Variants in ATP11A observed in about 807,000 individuals in gnomAD.
ATP11A encodes the protein phospholipid-transporting ATPase IH.
ATP11A carries 81 observed loss-of-function variants against 154.4 expected under a neutral mutation model. That is an observed-to-expected ratio of 0.52 (90% CI 0.44 to 0.63). The LOEUF is 0.63. Among genes scored for constraint, ATP11A ranks in the 30% least tolerant of loss-of-function variants. ATP11A has a pLI of 0.00. For synonymous variants in ATP11A, 623 were observed against 585.9 expected (o/e 1.06, Z -0.91); for missense variants, 1,316 against 1,474.3 (o/e 0.89, Z 1.76).
chr13:112,756,915 C>T (rs955094551), intron 1 of ATP11A, among the ~76,000 whole-genome samples: 3 of 152,184 alleles, frequency 2.0e-5, no homozygotes, highest in Non-Finnish European at 2.9e-5. Flanking sequence ...GGGGCCTGCT[C>T]CTAACGCATC....
intron 2 of ATP11A, among the ~76,000 whole-genome samples, chr13:112,789,026 C>A (rs565305454): frequency 2.0e-5 from 3 of 151,688 alleles, no homozygotes; most frequent in East Asian, 2.0e-4. Flanking sequence ...GACATGTAGA[C>A]CCCTGTGTAG....
intron 1 of ATP11A, among the ~76,000 whole-genome samples, chr13:112,769,271 C>T (rs539716251): frequency 1.2e-4 from 18 of 152,366 alleles, no homozygotes; most frequent in African/African-American, 4.3e-4. Context: ...ACCTCCCGGC[C>T]CCACGGCGTG....
At position 112,841,511 on chromosome 13, in the gene ATP11A, C is replaced by T. The variant is rs894036656; in HGVS notation, c.1706-765C>T. Among the ~76,000 whole-genome samples, 12 of 150,076 alleles carry T rather than the reference C, an allele frequency of 8.0e-5. 1 individual carries two copies. The East Asian group carries it at 1.4e-3, about 17-fold the overall frequency. Reference sequence around the variant, plus strand: ...AAACCAGCCGCCTGGCAGAGTGCCACGTGGCTTGGTGGACCAGGGATACTT... The same window carrying T: ...AAACCAGCCGCCTGGCAGAGTGCCATGTGGCTTGGTGGACCAGGGATACTT... On this transcript the variant is annotated intron_variant, in intron 16 of 29. Transcript: ENST00000375645.
intron 5 of ATP11A, among the ~76,000 whole-genome samples, chr13:112,814,829 A>G (rs2078598326): frequency 6.6e-6 from 1 of 152,146 alleles, no homozygotes; most frequent in Non-Finnish European, 1.5e-5. Flanking sequence ...TGTTTTAGCT[A>G]TTCTAGAGCC....
chr13:112,718,530 C>T (rs1463227513), intron 1 of ATP11A, among the ~76,000 whole-genome samples: 1 of 152,156 alleles, frequency 6.6e-6, no homozygotes, highest in Non-Finnish European at 1.5e-5. Flanking sequence ...GAGGTGTGTG[C>T]GGTGGGGATG....
At chr13:112,733,754 A>G (rs1890719185) in intron 1 of ATP11A, among the ~76,000 whole-genome samples, 1 of 152,184 alleles carries the variant, frequency 6.6e-6, no homozygotes, top group Non-Finnish European at 1.5e-5. Flanking sequence ...TTTAAAATAT[A>G]TTAAGTTTAT....
intron 1 of ATP11A, among the ~76,000 whole-genome samples, chr13:112,740,549 G>T (rs1891446992): frequency 1.3e-5 from 2 of 152,208 alleles, no homozygotes; most frequent in Admixed American, 1.3e-4. Context: ...TACTCTTCAA[G>T]TGATGATGGC....
At position 112,859,869 on chromosome 13, in the gene ATP11A, C is replaced by T. The variant is rs566593739; in HGVS notation, c.2727+417C>T. 9.8e-5 allele frequency among the ~76,000 whole-genome samples: 15 copies of T among 152,302 alleles called. No homozygotes were observed. The highest frequency in any genetic ancestry group is 2.4e-4 in the African/African-American group (10 of 41,568). ...ATAGGGGAAGAAGACAGTTCCCATC[C>T]GGGAGGGGTGAAGGACTCCCCGGGC... On this transcript the variant is annotated intron_variant, in intron 23 of 29. Coordinates refer to ENST00000375645, the MANE Select transcript of ATP11A (RefSeq NM_015205.3). The surrounding 1 kb of genome is among the most constrained non-coding windows in gnomAD (Gnocchi z 4.3).
At chr13:112,846,290 C>T (rs748760609) in intron 17 of ATP11A, among the ~76,000 whole-genome samples, 2 of 152,124 alleles carry the variant, frequency 1.3e-5, no homozygotes, top group African/African-American at 2.4e-5. Flanking sequence ...ACTCAACTGC[C>T]GGATGTTGTC....
rs943383051 is a variant in ATP11A, at chr13:112,884,718, G to A, written c.*2852G>A. 1 of 152,268 alleles carries A rather than the reference G, an allele frequency of 6.6e-6. No homozygotes were observed. The highest frequency in any genetic ancestry group is 1.5e-5 in the Non-Finnish European group (1 of 68,090). The allele number at this position is 152,268 out of a possible 1,614,324, so 9.4% of individuals were successfully genotyped here. A position where few individuals can be genotyped will look rare whatever the true frequency, so the allele number is the denominator to read the frequency against. On this transcript the variant is annotated 3_prime_UTR_variant, in exon 30 of 30. Transcript: ENST00000375645. ...TTATCAATTTGTAATTCAGCATGTT[G>A]GTCAGAGACACGGTCACTGATTCAC... is the stretch of plus-strand genomic sequence containing the variant.
chr13:112,873,407 T>TGTGGCTTTGTCTTCCTGAGCC, intron 26 of ATP11A, 166 bp from the exon 27 acceptor site: 2 of 558,306 alleles, frequency 3.6e-6, no homozygotes, highest in South Asian at 4.4e-5. Flanking sequence ...CGGTGTGAGG[T>TGTGGCTTTGTCTTCCTGAGCC]GTGGCTTTGT....
At chr13:112,765,149 C>A (rs867135872) in intron 1 of ATP11A, among the ~76,000 whole-genome samples, 6 of 25,994 alleles carry the variant, frequency 2.3e-4, no homozygotes, top group African/African-American at 4.1e-4. Flanking sequence ...GCTTGCCCCC[C>A]CTCCCCCCCG....
chr13:112,717,675 C>A (rs1407090806), intron 1 of ATP11A: 1 of 152,216 alleles, frequency 6.6e-6, no homozygotes. Flanking sequence ...ACTGTCTAAA[C>A]ATATGATGAT....
intron 1 of ATP11A, chr13:112,717,761 A>G (rs905935884): frequency 6.6e-6 from 1 of 152,232 alleles, no homozygotes; most frequent in African/African-American, 2.4e-5. Flanking sequence ...AAAGTTTCAA[A>G]CACACATCTG....
chr13:112,712,562 G>A (rs541572499), intron 1 of ATP11A, among the ~76,000 whole-genome samples: 9 of 152,148 alleles, frequency 5.9e-5, no homozygotes, highest in East Asian at 1.9e-4. Context: ...CGAAGGACAG[G>A]CTTTTCTCTC....
Position 112,825,452 on chromosome 13 carries a change from G to T in ATP11A, c.895G>T (p.Val299Leu). Reference sequence around the variant, plus strand: ...TAGATCGATGAATGCGTTCCTCATTGTGTATCTCTGCATTCTGATCAGCAA... The same window carrying T: ...TAGATCGATGAATGCGTTCCTCATTTTGTATCTCTGCATTCTGATCAGCAA... ...VEKSMNAFLIVYLCILISKAL... is the reference protein window; with the variant it reads ...VEKSMNAFLILYLCILISKAL... Residue 299 changes from valine to leucine, a missense_variant, in exon 11 of 30, where the codon GTG (valine) becomes TTG (leucine). Val to Leu is a conservative substitution (Grantham distance 32). Coordinates refer to ENST00000375645, the MANE Select transcript of ATP11A (RefSeq NM_015205.3). 1.2e-6 allele frequency: 2 copies of T among 1,612,766 alleles called. No individual in the cohort carries two copies. The highest frequency in any genetic ancestry group is 1.7e-6 in the Non-Finnish European group (2 of 1,179,490).
intron 1 of ATP11A, among the ~76,000 whole-genome samples, chr13:112,757,449 G>T (rs1257596315): frequency 1.3e-5 from 2 of 152,236 alleles, no homozygotes; most frequent in Admixed American, 6.5e-5. Flanking sequence ...ACAGGTATTT[G>T]CGAAAACTAC....
At chr13:112,844,797 T>TGGTCCTAACCAGTCCAGTTGCTGGGC (rs1465849786) in intron 17 of ATP11A, among the ~76,000 whole-genome samples, 1 of 123,844 alleles carries the variant, frequency 8.1e-6, no homozygotes, top group African/African-American at 4.5e-5. Flanking sequence ...TTGCCGGGTG[T>TGGTCCTAACCAGTCCAGTTGCTGGGC]TAGTGGTACT....
intron 18 of ATP11A, chr13:112,851,528 C>G (rs1057364135): frequency 4.7e-6 from 1 of 210,792 alleles, no homozygotes; most frequent in Non-Finnish European, 9.5e-6. Context: ...ATTCTTTCTT[C>G]TTTTTTTTTA....
Sources: allele counts gnomAD v4.1 joint callset (sites outside exome capture counted in the v4.1 genomes callset), GRCh38; gene constraint gnomAD v4.1.1; non-coding constraint Gnocchi (gnomAD v3.1); transcripts MANE v1.5; gene names NCBI Gene and HGNC (gene_info 2026-07-23, HGNC 2026-07-21).